CYLD: variants seen among roughly 807,000 people sequenced by gnomAD.
CYLD encodes ubiquitin carboxyl-terminal hydrolase CYLD.
CYLD carries 26 observed loss-of-function variants against 104.5 expected under a neutral mutation model. The ratio of observed to expected loss-of-function variants is 0.25; its 90% CI spans 0.18 to 0.35. The LOEUF (loss-of-function observed/expected upper bound fraction) is 0.35, where lower values mean the gene tolerates loss of function less well. CYLD is among the 10% of genes least tolerant of loss of function. The pLI is 1.00. For missense variants in CYLD, 703 were observed against 1,136.1 expected (o/e 0.62, Z 5.48); for synonymous variants, 385 against 399.9 (o/e 0.96, Z 0.45).
intron 5 of CYLD, among the ~76,000 whole-genome samples, chr16:50,758,357 C>A (rs4785450): frequency 6.6e-6 from 1 of 151,900 alleles, no homozygotes; most frequent in Non-Finnish European, 1.5e-5. Flanking sequence ...TTGTAGGAGC[C>A]GCAGTGGGAG....
intron 11 of CYLD, among the ~76,000 whole-genome samples, chr16:50,783,684 G>A (rs1970514575): frequency 6.6e-6 from 1 of 151,934 alleles, no homozygotes; most frequent in Non-Finnish European, 1.5e-5. Context: ...GACTTCAGGT[G>A]CACTCCATCA....
rs1463227554 is a variant in CYLD, at chr16:50,755,006, CATATATATGT to C, written c.913+590_913+599del. Among the ~76,000 whole-genome samples the C allele has an allele frequency of 2.1e-3, 23 of 10,900 alleles. 1 individual carries two copies. The highest frequency in any genetic ancestry group is 2.9e-3 in the African/African-American group (10 of 3,490). 7.2% of individuals were successfully genotyped at this position (10,900 alleles called of 152,430 possible). On this transcript the variant is annotated intron_variant, in intron 5 of 18. Coordinates refer to ENST00000427738, the MANE Select transcript of CYLD (RefSeq NM_001378743.1). ...ATATATACATATATATGTATATATA[CATATATATGT>C]ATATATACATATATATGTATATATA...
rs376006417 is a variant in CYLD at position 50,749,942 on chromosome 16, C to T, written c.244C>T (p.Leu82Phe). The T allele has an allele frequency of 1.2e-5, 19 of 1,614,002 alleles. No individual in the cohort carries two copies. The highest frequency in any genetic ancestry group is 1.6e-5 in the Non-Finnish European group (19 of 1,180,028). ...AATTCTAGAGCAACCTCATGCAGTT[C>T]TCTTTGTTGATGAAAAGGATGTTGT... The part of the protein sequence containing the change: ...LKILEQPHAV[L>F]FVDEKDVVEI... Residue 82 changes from leucine to phenylalanine, a missense_variant, in exon 3 of 19, where the codon CTC (leucine) becomes TTC (phenylalanine). Leu to Phe is a conservative substitution (Grantham distance 22). Transcript: ENST00000427738.
Position 50,786,999 on chromosome 16 carries a change from G to A in CYLD, c.2041+53G>A, listed in dbSNP as rs761325577. ...AAATAACTGAAGAGCATATTCACATGTCAAAGTATTAGCTGAAATGTGTGT... is the reference window on the plus strand; with the variant it reads ...AAATAACTGAAGAGCATATTCACATATCAAAGTATTAGCTGAAATGTGTGT... On this transcript the variant is annotated intron_variant, in intron 13 of 18. Transcript: ENST00000427738. The A allele has an allele frequency of 3.7e-5, 52 of 1,395,762 alleles. No individual in the cohort carries two copies. The African/African-American group carries it at 7.2e-4, about 19-fold the overall frequency. The allele number at this position is 1,395,762 out of a possible 1,614,324, so 86.5% of individuals were successfully genotyped here.
At chr16:50,745,214 A>G (rs1966072083) in intron 2 of CYLD, among the ~76,000 whole-genome samples, 1 of 151,704 alleles carries the variant, frequency 6.6e-6, no homozygotes. Context: ...CCTCACCCCC[A>G]CCTGCCCTAC....
At chr16:50,796,275 G>T in intron 18 of CYLD, 49 bp from the exon 19 acceptor site, 6 of 1,570,386 alleles carry the variant, frequency 3.8e-6, no homozygotes, top group Non-Finnish European at 5.3e-6. Context: ...ACTGGCAAAA[G>T]GGTTTAGAAC....
intron 5 of CYLD, among the ~76,000 whole-genome samples, chr16:50,761,065 A>G (rs1271568764): frequency 6.6e-6 from 1 of 152,180 alleles, no homozygotes; most frequent in Non-Finnish European, 1.5e-5. Flanking sequence ...TTTGCATATG[A>G]TTAAGGGCAA....
At chr16:50,780,139 T>G in intron 9 of CYLD, 95 bp downstream of exon 9, 1 of 1,447,854 alleles carries the variant, frequency 6.9e-7, no homozygotes, top group Non-Finnish European at 9.6e-7. Flanking sequence ...ACTGTTATAT[T>G]TGTCAGAAAA....
intron 5 of CYLD, among the ~76,000 whole-genome samples, chr16:50,770,180 G>C (rs540361754): frequency 6.6e-6 from 1 of 152,084 alleles, no homozygotes; most frequent in Non-Finnish European, 1.5e-5. Flanking sequence ...GTGCGTATTC[G>C]GTGATATTTG....
chr16:50,767,482 A>ATTTTTTTCTTTTTTTTCTTT, intron 5 of CYLD, among the ~76,000 whole-genome samples: 1 of 144,190 alleles, frequency 6.9e-6, no homozygotes, highest in Non-Finnish European at 1.5e-5. Context: ...TTTTTTTTTA[A>ATTTTTTTCTTTTTTTTCTTT]TTTCCATAGA....
chr16:50,767,987 G>A (rs1263700375), intron 5 of CYLD, among the ~76,000 whole-genome samples: 1 of 152,148 alleles, frequency 6.6e-6, no homozygotes, highest in Non-Finnish European at 1.5e-5. Flanking sequence ...AATATTGGTG[G>A]AGGATTGAGA....
chr16:50,780,200 C>T (rs1003257282), intron 9 of CYLD, among the ~76,000 whole-genome samples, 156 bp downstream of exon 9: 8 of 152,068 alleles, frequency 5.3e-5, no homozygotes, highest in Admixed American at 2.6e-4. Context: ...TTCCCTTTGC[C>T]GCCCCTGAAG....
intron 11 of CYLD, 21 bp downstream of exon 11, chr16:50,782,487 A>G (rs377444846): frequency 9.3e-6 from 15 of 1,612,106 alleles, no homozygotes; most frequent in East Asian, 2.2e-5. Context: ...AAAGAATGCA[A>G]TAGGTATAGA....
At chr16:50,776,956 C>T (rs1969751121) in intron 7 of CYLD, among the ~76,000 whole-genome samples, 5 of 152,068 alleles carry the variant, frequency 3.3e-5, no homozygotes. Flanking sequence ...GCCTGGGAGA[C>T]TTAGGATTAA....
chr16:50,751,928 T>A (rs769304456), intron 4 of CYLD, 22 bp downstream of exon 4: 4 of 1,460,328 alleles, frequency 2.7e-6, no homozygotes, highest in Non-Finnish European at 3.8e-6. Context: ...TTGGATTAAA[T>A]ATCTTTGTGA....
chr16:50,756,784 T>G (rs1186128270), intron 5 of CYLD, among the ~76,000 whole-genome samples: 1 of 152,238 alleles, frequency 6.6e-6, no homozygotes, highest in Admixed American at 6.5e-5. Flanking sequence ...AAACTTATAA[T>G]GTAAGTCTTA....
intron 3 of CYLD, 48 bp downstream of exon 3, chr16:50,750,250 G>C: frequency 6.2e-7 from 1 of 1,602,848 alleles, no homozygotes; most frequent in Non-Finnish European, 8.5e-7. Flanking sequence ...GTGTTCATGT[G>C]TGTCTGTGTA....
At chr16:50,783,643 A>G (rs1279214372) in intron 11 of CYLD, among the ~76,000 whole-genome samples, 2 of 152,022 alleles carry the variant, frequency 1.3e-5, no homozygotes, top group Non-Finnish European at 2.9e-5. Flanking sequence ...GGTTCAAGCG[A>G]TTCTCCTATC....
In CYLD at chr16:50,797,297, T is replaced by C. The variant is rs1276324253; in HGVS notation, c.*789T>C. 4.3e-6 allele frequency: 1 copy of C among 232,254 alleles called. No individual in the cohort carries two copies. The highest frequency in any genetic ancestry group is 8.5e-6 in the Non-Finnish European group (1 of 117,488). 14.4% of individuals were successfully genotyped at this position (232,254 alleles called of 1,614,324 possible). On this transcript the variant is annotated 3_prime_UTR_variant, in exon 19 of 19. Coordinates refer to ENST00000427738, the MANE Select transcript of CYLD (RefSeq NM_001378743.1). Reference sequence around the variant, plus strand: ...ATTTTATGGAATGGGGCAAAGTAAATTGATGAAAGAATTGGAGTGATAATA... The same window carrying C: ...ATTTTATGGAATGGGGCAAAGTAAACTGATGAAAGAATTGGAGTGATAATA...
Sources: gnomAD v4.1 joint callset for allele counts (sites outside exome capture counted in the v4.1 genomes callset) on GRCh38, gnomAD v4.1.1 for gene constraint, MANE v1.5 for transcripts, NCBI Gene and HGNC (gene_info 2026-07-23, HGNC 2026-07-21) for gene names.